PBX1: variants seen among roughly 807,000 people sequenced by gnomAD.
PBX1 encodes PBX homeobox 1, also known as pre-B-cell leukemia transcription factor 1.
PBX1 carries 6 observed loss-of-function variants against 53.4 expected under a neutral mutation model. The ratio of observed to expected loss-of-function variants is 0.11; its 90% CI spans 0.06 to 0.22. PBX1 has a LOEUF of 0.22. PBX1 is among the 10% of genes least tolerant of loss of function. PBX1 has a pLI of 1.00. For missense variants in PBX1, 251 were observed against 551.4 expected, an observed-to-expected ratio of 0.46 and a Z score of 5.46; for synonymous variants, 204 against 212.3, an observed-to-expected ratio of 0.96 and a Z score of 0.34.
chr1:164,617,935 G>A (rs761048347), intron 2 of PBX1, among the ~76,000 whole-genome samples: 1 of 151,966 alleles, frequency 6.6e-6, no homozygotes, highest in Non-Finnish European at 1.5e-5. Context: ...CCAGGATTCT[G>A]TTGCTGGCCA....
intron 2 of PBX1, among the ~76,000 whole-genome samples, chr1:164,727,584 G>A (rs1557969640): frequency 6.6e-6 from 1 of 152,184 alleles, no homozygotes; most frequent in Non-Finnish European, 1.5e-5. Context: ...GACATATGGT[G>A]GAAAGGGGTC....
At chr1:164,673,465 C>CTT (rs1171916726) in intron 2 of PBX1, among the ~76,000 whole-genome samples, 2,828 of 109,248 alleles carry the variant, frequency 0.026, 144 homozygotes, top group African/African-American at 0.063. Flanking sequence ...AAATTACTAA[C>CTT]TTTTTTTTTT....
chr1:164,873,278 T>C (rs1390159382), intron 2 of PBX1, among the ~76,000 whole-genome samples: 1 of 152,240 alleles, frequency 6.6e-6, no homozygotes, highest in Admixed American at 6.5e-5. Flanking sequence ...AGAGGGTTGA[T>C]TCATTCAATA....
At chr1:164,588,467 A>G in intron 2 of PBX1, among the ~76,000 whole-genome samples, 1 of 134,174 alleles carries the variant, frequency 7.5e-6, no homozygotes, top group Non-Finnish European at 1.6e-5. Context: ...TACACTCCGG[A>G]CTAAGCTTTT....
chr1:164,621,923 G>T (rs1269855868), intron 2 of PBX1, among the ~76,000 whole-genome samples: 1 of 151,904 alleles, frequency 6.6e-6, no homozygotes, highest in Non-Finnish European at 1.5e-5. Context: ...CACTAAATAC[G>T]TTCTATAAAA....
chr1:164,676,913 T>C (rs1045348685), intron 2 of PBX1, among the ~76,000 whole-genome samples: 1 of 152,132 alleles, frequency 6.6e-6, no homozygotes, highest in Non-Finnish European at 1.5e-5. Flanking sequence ...TGTGTCAGGC[T>C]CATCTCAACA....
intron 2 of PBX1, among the ~76,000 whole-genome samples, chr1:164,606,731 TAG>T (rs781619493): frequency 2.6e-5 from 4 of 152,238 alleles, no homozygotes; most frequent in Admixed American, 6.5e-5. Flanking sequence ...TGCTGCATGG[TAG>T]AGTCTTCATA....
intron 2 of PBX1, among the ~76,000 whole-genome samples, chr1:164,645,797 G>A (rs546307217): frequency 6.6e-6 from 1 of 152,348 alleles, no homozygotes; most frequent in African/African-American, 2.4e-5. Context: ...CTAAGGTGAT[G>A]TGACCGTCCT....
intron 2 of PBX1, among the ~76,000 whole-genome samples, chr1:164,577,420 G>T (rs1654327253): frequency 6.6e-6 from 1 of 152,190 alleles, no homozygotes; most frequent in African/African-American, 2.4e-5. Flanking sequence ...AGAAAATAGA[G>T]AATTGATTTT....
intron 8 of PBX1, among the ~76,000 whole-genome samples, chr1:164,824,321 A>G (rs1558030096): frequency 6.6e-6 from 1 of 152,188 alleles, no homozygotes; most frequent in Non-Finnish European, 1.5e-5. Context: ...GGGAGCTGCT[A>G]GTCCTAGTAA....
At chr1:164,704,490 C>T (rs1344561889) in intron 2 of PBX1, among the ~76,000 whole-genome samples, 16 of 152,080 alleles carry the variant, frequency 1.1e-4, no homozygotes, top group Admixed American at 1.0e-3. Flanking sequence ...TAGTTGTGCT[C>T]AAGAATTCGG....
chr1:164,836,246 A>G (rs952598247), intron 8 of PBX1, among the ~76,000 whole-genome samples: 1 of 152,152 alleles, frequency 6.6e-6, no homozygotes, highest in African/African-American at 2.4e-5. Flanking sequence ...TTGAACTTTG[A>G]CATCTCACCA....
chr1:164,648,033 T>A (rs1487213482), intron 2 of PBX1, among the ~76,000 whole-genome samples: 1 of 152,090 alleles, frequency 6.6e-6, no homozygotes, highest in African/African-American at 2.4e-5. Flanking sequence ...GCCAGGAAGG[T>A]CTCGATCTCC....
intron 2 of PBX1, among the ~76,000 whole-genome samples, chr1:164,752,046 A>G (rs1374206212): frequency 1.4e-5 from 2 of 141,958 alleles, no homozygotes; most frequent in Non-Finnish European, 3.0e-5. Flanking sequence ...CACTGCTTCT[A>G]AAAACTGGCT....
intron 2 of PBX1, among the ~76,000 whole-genome samples, chr1:164,654,080 G>A (rs1365813338): frequency 1.3e-5 from 2 of 152,016 alleles, no homozygotes; most frequent in African/African-American, 2.4e-5. Flanking sequence ...ATCACAAATC[G>A]GGACTAGAAA....
intron 2 of PBX1, among the ~76,000 whole-genome samples, chr1:164,772,290 A>G (rs1311246711): frequency 6.6e-6 from 1 of 152,238 alleles, no homozygotes; most frequent in Non-Finnish European, 1.5e-5. Flanking sequence ...TTAAAAGAAC[A>G]TGTGGTTTAA....
chr1:164,582,357 A>G (rs1368346375), intron 2 of PBX1, among the ~76,000 whole-genome samples: 1 of 152,166 alleles, frequency 6.6e-6, no homozygotes, highest in Non-Finnish European at 1.5e-5. Context: ...GAAACTAATC[A>G]GTTATTTAAG....
intron 2 of PBX1, chr1:164,625,850 T>C: frequency 1.6e-6 from 1 of 633,568 alleles, no homozygotes; most frequent in Non-Finnish European, 2.0e-6. Context: ...ACATGAATTA[T>C]CCCATTCCCC....
In PBX1 at chr1:164,849,556, A is replaced by G. The variant is rs545237076; in HGVS notation, c.*2880A>G. ...CCCCAGGATTTCTTCATTTTCTAAT[A>G]GATGTGGGAGTGCTCCATTTTCCCC... On this transcript the variant is annotated 3_prime_UTR_variant, in exon 9 of 9. Coordinates refer to ENST00000420696, the MANE Select transcript of PBX1 (RefSeq NM_002585.4). 2.6e-6 allele frequency: 3 copies of G among 1,144,850 alleles called. No individual in the cohort carries two copies. The South Asian group carries it at 5.0e-5, about 19-fold the overall frequency. 70.9% of individuals were successfully genotyped at this position (1,144,850 alleles called of 1,614,324 possible).
Sources: gnomAD v4.1 joint callset for allele counts (sites outside exome capture counted in the v4.1 genomes callset) on GRCh38, gnomAD v4.1.1 for gene constraint, MANE v1.5 for transcripts, NCBI Gene and HGNC (gene_info 2026-07-23, HGNC 2026-07-21) for gene names.